The following COMMD1 variants were observed in gnomAD, a reference collection of about 807,000 sequenced individuals.
The protein encoded by COMMD1 is COMM domain-containing protein 1.
In COMMD1, 10 loss-of-function variants were observed where a neutral mutation model predicts 17.2. That is an observed-to-expected ratio of 0.58 (90% CI 0.36 to 0.99). The LOEUF is 0.99. Ranked by LOEUF, COMMD1 falls within the 50% of genes least tolerant of loss-of-function variation. COMMD1 has a pLI of 0.01. For synonymous variants in COMMD1, 97 were observed against 91.6 expected (o/e 1.06, Z -0.34); for missense variants, 270 against 231.8 (o/e 1.17, Z -1.07).
chr2:61,961,882 A>G (rs1423107079), intron 1 of COMMD1, among the ~76,000 whole-genome samples: 1 of 152,050 alleles, frequency 6.6e-6, no homozygotes, highest in East Asian at 1.9e-4. Flanking sequence ...GGGAGTTGGT[A>G]CTTGTTATGT....
chr2:62,029,227 G>T (rs1669849259), intron 2 of COMMD1, among the ~76,000 whole-genome samples: 1 of 151,740 alleles, frequency 6.6e-6, no homozygotes, highest in African/African-American at 2.4e-5. Context: ...TATACTCTTT[G>T]GGCACAGTTA....
intron 1 of COMMD1, among the ~76,000 whole-genome samples, chr2:61,920,033 G>A (rs1406505682): frequency 6.6e-6 from 1 of 152,182 alleles, no homozygotes; most frequent in Non-Finnish European, 1.5e-5. Context: ...GGAGGCAGGA[G>A]GCCAAGGATC....
intron 1 of COMMD1, among the ~76,000 whole-genome samples, chr2:61,962,521 A>G (rs1471672624): frequency 6.6e-6 from 1 of 152,208 alleles, no homozygotes; most frequent in Non-Finnish European, 1.5e-5. Context: ...TCACCCATGC[A>G]GTATCACCCT....
At chr2:61,949,537 G>C (rs755259570) in intron 1 of COMMD1, among the ~76,000 whole-genome samples, 5 of 152,164 alleles carry the variant, frequency 3.3e-5, no homozygotes, top group Non-Finnish European at 7.3e-5. Flanking sequence ...GTGTGTAGAA[G>C]ATGGAGCCTC....
intron 2 of COMMD1, among the ~76,000 whole-genome samples, chr2:62,081,677 C>A (rs904216549): frequency 6.6e-6 from 1 of 152,232 alleles, no homozygotes; most frequent in African/African-American, 2.4e-5. Context: ...ATTGCCTGTG[C>A]ACATCCTGTA....
At chr2:62,046,203 T>TA (rs1670380207) in intron 2 of COMMD1, among the ~76,000 whole-genome samples, 3 of 152,198 alleles carry the variant, frequency 2.0e-5, no homozygotes, top group Admixed American at 2.0e-4. Context: ...TTTTTACAGA[T>TA]AAAGAAATCG....
intron 1 of COMMD1, among the ~76,000 whole-genome samples, chr2:61,933,846 T>C (rs1670533502): frequency 1.3e-5 from 2 of 151,644 alleles, no homozygotes; most frequent in Admixed American, 1.3e-4. Context: ...TCACTGCAAC[T>C]TCCACCTCCC....
intron 2 of COMMD1, among the ~76,000 whole-genome samples, chr2:62,027,905 G>A (rs561572758): frequency 1.3e-5 from 2 of 152,106 alleles, no homozygotes; most frequent in South Asian, 4.2e-4. Context: ...TGCCCACCTT[G>A]ACCTCCCAAA....
chr2:62,006,834 C>CT (rs1331983918), intron 2 of COMMD1, among the ~76,000 whole-genome samples: 1 of 152,048 alleles, frequency 6.6e-6, no homozygotes, highest in Admixed American at 6.6e-5. Context: ...GAAGTGTTTT[C>CT]TTTTTTTAAA....
intron 1 of COMMD1, among the ~76,000 whole-genome samples, chr2:61,931,932 A>C (rs1670475908): frequency 1.3e-5 from 2 of 152,212 alleles, no homozygotes; most frequent in South Asian, 4.1e-4. Flanking sequence ...GCATTTGAGG[A>C]TGGTAGTTGC....
At chr2:62,122,651 C>T (rs539852439) in intron 2 of COMMD1, among the ~76,000 whole-genome samples, 2 of 152,348 alleles carry the variant, frequency 1.3e-5, no homozygotes, top group African/African-American at 4.8e-5. Context: ...AAACTGTTTT[C>T]TTCCTTTCAG....
At chr2:61,903,128 G>A (rs1260881180), upstream of COMMD1, among the ~76,000 whole-genome samples, 1 of 152,146 alleles carries the variant, frequency 6.6e-6, no homozygotes, top group Admixed American at 6.5e-5. Flanking sequence ...TTTAGGAAAA[G>A]AAATATATTT....
chr2:61,905,606 G>A (rs949978537), upstream of COMMD1: 3 of 1,420,456 alleles, frequency 2.1e-6, no homozygotes, highest in Non-Finnish European at 2.8e-6. Flanking sequence ...GTTTTGCACA[G>A]GCTATTTAGG....
At chr2:61,977,873 C>T (rs537754617) in intron 1 of COMMD1, among the ~76,000 whole-genome samples, 82 of 151,454 alleles carry the variant, frequency 5.4e-4, no homozygotes, top group South Asian at 3.1e-3. Flanking sequence ...CCTGTAATCC[C>T]GGCTACTAAG....
At chr2:62,052,955 G>C (rs531996332) in intron 2 of COMMD1, among the ~76,000 whole-genome samples, 1 of 152,278 alleles carries the variant, frequency 6.6e-6, no homozygotes, top group South Asian at 2.1e-4. Context: ...TGTAGTCCCA[G>C]CTACTCGGGA....
intron 2 of COMMD1, among the ~76,000 whole-genome samples, chr2:62,113,572 C>T (rs751444903): frequency 3.9e-5 from 6 of 152,144 alleles, no homozygotes; most frequent in South Asian, 2.1e-4. Flanking sequence ...TTAGTAGAGA[C>T]GGGGTTTCAC....
chr2:61,912,999 C>T (rs1669948832), intron 1 of COMMD1, among the ~76,000 whole-genome samples: 1 of 152,108 alleles, frequency 6.6e-6, no homozygotes, highest in Non-Finnish European at 1.5e-5. Context: ...GGCTGTAGGG[C>T]AGCATGGTTT....
chr2:61,940,414 T>C (rs568277634), intron 1 of COMMD1, among the ~76,000 whole-genome samples: 1 of 152,212 alleles, frequency 6.6e-6, no homozygotes, highest in African/African-American at 2.4e-5. Flanking sequence ...TTCATAATTC[T>C]GTTAAACTGT....
intron 1 of COMMD1, among the ~76,000 whole-genome samples, chr2:61,998,094 C>G (rs1417508237): frequency 1.3e-5 from 2 of 152,170 alleles, no homozygotes; most frequent in African/African-American, 4.8e-5. Context: ...CTTCTGTAAA[C>G]TTTCTCACCT....
Sources: allele counts gnomAD v4.1 joint callset (sites outside exome capture counted in the v4.1 genomes callset), GRCh38; gene constraint gnomAD v4.1.1; transcripts MANE v1.5; gene names NCBI Gene and HGNC (gene_info 2026-07-23, HGNC 2026-07-21).